The following CCDC47 variants were observed in gnomAD, a reference collection of about 807,000 sequenced individuals.
CCDC47 encodes coiled-coil domain containing 47, also known as PAT complex subunit CCDC47.
Under a neutral mutation model 60.5 loss-of-function variants are expected in CCDC47, and 41 were observed. That is an observed-to-expected ratio of 0.68 (90% CI 0.53 to 0.88). The LOEUF (loss-of-function observed/expected upper bound fraction) is 0.88, where lower values mean the gene tolerates loss of function less well. CCDC47 is among the 40% of genes least tolerant of loss of function. The pLI, the probability that CCDC47 is intolerant of heterozygous loss-of-function variation, is 0.00. For missense variants in CCDC47, 513 were observed against 580.9 expected, an observed-to-expected ratio of 0.88 and a Z score of 1.20; for synonymous variants, 195 against 190.7, an observed-to-expected ratio of 1.02 and a Z score of -0.18.
intron 6 of CCDC47, among the ~76,000 whole-genome samples, chr17:63,759,790 G>A (rs1381269685): frequency 6.6e-6 from 1 of 151,150 alleles, no homozygotes; most frequent in Admixed American, 6.6e-5. Flanking sequence ...AAGAGGCCGG[G>A]TGCAGTGGCT....
At chr17:63,757,269 G>T (rs11870815) in intron 6 of CCDC47, among the ~76,000 whole-genome samples, 35,138 of 150,832 alleles carry the variant, frequency 0.23, 4,304 homozygotes, top group Middle Eastern at 0.34. Context: ...CTACTCAAGA[G>T]GCTGAGGCAG....
chr17:63,764,968 A>G, intron 2 of CCDC47, 121 bp from the exon 3 acceptor site: 4 of 1,448,056 alleles, frequency 2.8e-6, no homozygotes, highest in Non-Finnish European at 3.6e-6. Context: ...CAGAAAACAG[A>G]TGTTACATGT....
At position 63,766,187 on chromosome 17, in the gene CCDC47, A is replaced by G. The variant is rs2039297155; in HGVS notation, c.-12T>C. 6.3e-7 allele frequency: 1 copy of G among 1,589,840 alleles called. No individual in the cohort carries two copies. The highest frequency in any genetic ancestry group is 8.5e-7 in the Non-Finnish European group (1 of 1,172,244). On this transcript the variant is annotated 5_prime_UTR_variant, in exon 2 of 13. Coordinates refer to ENST00000225726, the MANE Select transcript of CCDC47 (RefSeq NM_020198.3). ...TGGAAGGCTTTCATTGCACCTTGAG[A>G]AAAAAAGCTTAAAAAAAAAGAGAAC...
rs75055737 is a variant in CCDC47 at position 63,766,942 on chromosome 17, T to C, written c.-19-748A>G. The C allele has an allele frequency of 6.1e-3, 5,970 of 984,510 alleles. 33 individuals are homozygous for C. The highest frequency in any genetic ancestry group is 6.6e-3 in the Non-Finnish European group (5,487 of 829,054). The allele number at this position is 984,510 out of a possible 1,614,324, so 61.0% of individuals were successfully genotyped here. ...TCACCCTTAGATTGATTTGTGTTCA[T>C]GCATGAACATAATTATCATAAGAGC... is the stretch of plus-strand genomic sequence containing the variant. On this transcript the variant is annotated intron_variant, in intron 1 of 12. Transcript: ENST00000225726.
rs1056321169 is a variant in CCDC47, at chr17:63,746,682, C to A, written c.*199G>T. 1.4e-5 allele frequency: 6 copies of A among 434,164 alleles called. No individual in the cohort carries two copies. The highest frequency in any genetic ancestry group is 2.5e-5 in the Non-Finnish European group (6 of 241,914). 26.9% of individuals were successfully genotyped at this position (434,164 alleles called of 1,614,324 possible). ...ATTTGATTATCTGGAAAAAAAAATTCTTGAAACAGAGCCCTTTCCAGGTAT... is the reference window on the plus strand; with the variant it reads ...ATTTGATTATCTGGAAAAAAAAATTATTGAAACAGAGCCCTTTCCAGGTAT... On this transcript the variant is annotated 3_prime_UTR_variant, in exon 13 of 13. Transcript: ENST00000225726.
At chr17:63,747,800 T>C (rs2144464294) in intron 12 of CCDC47, 1 of 985,010 alleles carries the variant, frequency 1.0e-6, no homozygotes, top group Non-Finnish European at 1.2e-6. Context: ...ACAAATTAGG[T>C]TTCAAAGGGT....
At chr17:63,750,592 T>A (rs2039155433) in intron 12 of CCDC47, among the ~76,000 whole-genome samples, 1 of 147,810 alleles carries the variant, frequency 6.8e-6, no homozygotes, top group African/African-American at 2.5e-5. Flanking sequence ...TCCTCTCCCT[T>A]TTTTTTTTTT....
intron 4 of CCDC47, chr17:63,762,203 A>T (rs1189396406): frequency 9.1e-6 from 9 of 985,310 alleles, no homozygotes; most frequent in Non-Finnish European, 1.1e-5. Context: ...AGTATACAAA[A>T]GAAATTGCTC....
Position 63,756,539 on chromosome 17 carries a change from A to C in CCDC47, c.767T>G (p.Met256Arg). The C allele has an allele frequency of 6.2e-7, 1 of 1,613,810 alleles. No homozygotes were observed. The highest frequency in any genetic ancestry group is 8.5e-7 in the Non-Finnish European group (1 of 1,179,690). Reference protein sequence around the residue: ...QIKVTMNDEDMDTYVFAVGTR... With the variant: ...QIKVTMNDEDRDTYVFAVGTR... ...GCCAACAGCAAATACGTAGGTATCC[A>C]TGTCTTCATCATTCATGGTTACTTT... Residue 256 changes from methionine to arginine, a missense_variant, in exon 7 of 13, where the codon ATG (methionine) becomes AGG (arginine). Met to Arg is a moderately conservative substitution (Grantham distance 91). Transcript: ENST00000225726.
Position 63,745,418 on chromosome 17 carries a change from T to C in CCDC47, c.*1463A>G, listed in dbSNP as rs2039114129. 1.3e-5 allele frequency: 2 copies of C among 152,564 alleles called. No homozygotes were observed. The highest frequency in any genetic ancestry group is 2.9e-5 in the Non-Finnish European group (2 of 68,034). The allele number at this position is 152,564 out of a possible 1,614,324, so 9.5% of individuals were successfully genotyped here. Reference sequence around the variant, plus strand: ...GATTTCTAAAATGTAATTTAAAGGTTTGTAAAACAAGGCCACTACTATAAT... The same window carrying C: ...GATTTCTAAAATGTAATTTAAAGGTCTGTAAAACAAGGCCACTACTATAAT... On this transcript the variant is annotated 3_prime_UTR_variant, in exon 13 of 13. Coordinates refer to ENST00000225726, the MANE Select transcript of CCDC47 (RefSeq NM_020198.3).
intron 3 of CCDC47, 116 bp downstream of exon 3, chr17:63,764,624 C>A: frequency 2.4e-6 from 2 of 840,362 alleles, no homozygotes; most frequent in South Asian, 4.5e-5. Flanking sequence ...ATGTCAAGCT[C>A]CTTCTCAGCT....
chr17:63,751,827 ATG>A, intron 12 of CCDC47, 111 bp downstream of exon 12: 1 of 1,151,220 alleles, frequency 8.7e-7, no homozygotes, highest in Non-Finnish European at 1.3e-6. Flanking sequence ...AATGTCCCAA[ATG>A]TTGAGAAAAT....
rs1365120166 is a variant in CCDC47 at position 63,746,065 on chromosome 17, C to A, written c.*816G>T. 2 of 152,220 alleles carry A rather than the reference C, an allele frequency of 1.3e-5. No individual in the cohort carries two copies. The highest frequency in any genetic ancestry group is 2.9e-5 in the Non-Finnish European group (2 of 68,056). 9.4% of individuals were successfully genotyped at this position (152,220 alleles called of 1,614,324 possible). On this transcript the variant is annotated 3_prime_UTR_variant, in exon 13 of 13. Coordinates refer to ENST00000225726, the MANE Select transcript of CCDC47 (RefSeq NM_020198.3). ...GCTGCAGCAACCAAGAAGGAAAAAA[C>A]ATTTGTGATTTCACACAGACCAATG...
chr17:63,746,703 G>A lies in CCDC47; in HGVS notation c.*178C>T. ...AATTCTTGAAACAGAGCCCTTTCCAGGTATCTTCAATCTCTGTAAAACCCC... is the reference window on the plus strand; with the variant it reads ...AATTCTTGAAACAGAGCCCTTTCCAAGTATCTTCAATCTCTGTAAAACCCC... On this transcript the variant is annotated 3_prime_UTR_variant, in exon 13 of 13. Transcript: ENST00000225726. 2.1e-6 allele frequency: 1 copy of A among 473,994 alleles called. No homozygotes were observed. Among genetic ancestry groups the A allele is most frequent in the Non-Finnish European group, 3.8e-6 (1 of 263,738 alleles). The allele number at this position is 473,994 out of a possible 1,614,324, so 29.4% of individuals were successfully genotyped here.
Position 63,761,325 on chromosome 17 carries a change from T to C in CCDC47, c.574A>G (p.Thr192Ala), listed in dbSNP as rs1306395569. ...VGDDGTNKEATSTGKLNQENE... is the reference protein window; with the variant it reads ...VGDDGTNKEAASTGKLNQENE... ...TCCTGGTTCAACTTTCCTGTGCTTG[T>C]GGCTTCTTTGTTAGTTCCATCATCC... The change falls in exon 5 of 13, where the codon ACA becomes GCA. Residue 192 changes from threonine (T) to alanine (A), a missense_variant. Transcript: ENST00000225726. 4 of 1,614,078 alleles carry C rather than the reference T, an allele frequency of 2.5e-6. No individual in the cohort carries two copies. In the Admixed American group the frequency reaches 5.0e-5, roughly 20 times the overall value.
In CCDC47 at chr17:63,770,080, C is replaced by A. The variant is rs936566509; in HGVS notation, c.-20+3332G>T. ...GGTTCAAGCGATTCTTCTGTCTCAGCCTCCTGAGTAGCTGGGTTATAGGCA... is the reference window on the plus strand; with the variant it reads ...GGTTCAAGCGATTCTTCTGTCTCAGACTCCTGAGTAGCTGGGTTATAGGCA... On this transcript the variant is annotated intron_variant, in intron 1 of 12. Coordinates refer to ENST00000225726, the MANE Select transcript of CCDC47 (RefSeq NM_020198.3). 4.0e-5 allele frequency among the ~76,000 whole-genome samples: 6 copies of A among 151,442 alleles called. No homozygotes were observed. In the South Asian group the frequency reaches 1.2e-3, roughly 31 times the overall value.
intron 4 of CCDC47, 101 bp downstream of exon 4, chr17:63,763,915 G>T: frequency 1.3e-6 from 1 of 758,746 alleles, no homozygotes; most frequent in Non-Finnish European, 1.9e-6. Context: ...ACCCTCTTTG[G>T]TATTCCATGA....
In CCDC47 at chr17:63,752,397, T is replaced by C; in HGVS notation, c.1126A>G (p.Met376Val). ...PGSGNTYPKD[M>V]EALLPLMNMV... Reference sequence around the variant, plus strand: ...TTCATCAGGGGTAGCAGTGCCTCCATATCCTTTGGGTAAGTGTTACCTGAG... The same window carrying C: ...TTCATCAGGGGTAGCAGTGCCTCCACATCCTTTGGGTAAGTGTTACCTGAG... The change falls in exon 11 of 13, where the codon ATG (methionine) becomes GTG (valine). Residue 376 changes from methionine to valine, a missense_variant. Met to Val is a conservative substitution (Grantham distance 21). Coordinates refer to ENST00000225726, the MANE Select transcript of CCDC47 (RefSeq NM_020198.3). 1 of 1,613,828 alleles carries C rather than the reference T, an allele frequency of 6.2e-7. No homozygotes were observed. Among genetic ancestry groups the C allele is most frequent in the Non-Finnish European group, 8.5e-7 (1 of 1,179,792 alleles).
Position 63,765,952 on chromosome 17 carries a change from T to A in CCDC47, c.224A>T (p.Asp75Val), listed in dbSNP as rs1007093556. 6.2e-7 allele frequency: 1 copy of A among 1,614,044 alleles called. No individual in the cohort carries two copies. Among genetic ancestry groups the A allele is most frequent in the South Asian group, 1.1e-5 (1 of 91,038 alleles). The change falls in exon 2 of 13, where the codon GAT becomes GTT. Residue 75 changes from aspartate (D) to valine (V), a missense_variant. Asp to Val is a radical substitution (Grantham distance 152). Coordinates refer to ENST00000225726, the MANE Select transcript of CCDC47 (RefSeq NM_020198.3). ...TTCAAAATCTCCTTCTTGGTTTTCATCCTGCCCTTCCAACTCCACAGTGGT... is the reference window on the plus strand; with the variant it reads ...TTCAAAATCTCCTTCTTGGTTTTCAACCTGCCCTTCCAACTCCACAGTGGT... ...DETTVELEGQ[D>V]ENQEGDFEDA... is the part of the protein sequence containing the mutation.
Sources: gnomAD v4.1 joint callset for allele counts (sites outside exome capture counted in the v4.1 genomes callset) on GRCh38, gnomAD v4.1.1 for gene constraint, MANE v1.5 for transcripts, NCBI Gene and HGNC (gene_info 2026-07-23, HGNC 2026-07-21) for gene names.